DMD: variants seen among roughly 807,000 people sequenced by gnomAD.
The protein encoded by DMD is dystrophin.
A neutral mutation model predicts 330.1 loss-of-function variants in DMD; 63 were observed. That is an observed-to-expected ratio of 0.19 (90% confidence interval 0.16 to 0.24). The LOEUF (loss-of-function observed/expected upper bound fraction) is 0.24. Ranked by LOEUF, DMD falls within the 10% of genes least tolerant of loss-of-function variation. The pLI, the probability that DMD is intolerant of heterozygous loss-of-function variation, is 1.00. For synonymous variants in DMD, 1,223 were observed against 959.8 expected, an observed-to-expected ratio of 1.27 and a Z score of -5.07; for missense variants, 3,344 against 2,684.1, an observed-to-expected ratio of 1.25 and a Z score of -5.43.
At chrX:32,859,704 C>T (rs1202007482) in intron 2 of DMD, among the ~76,000 whole-genome samples, 1 of 111,116 alleles carries the variant, frequency 9.0e-6, no homozygotes, top group Non-Finnish European at 1.9e-5. Context: ...TTTTTCCTCC[C>T]TTTTCTTGTT....
chrX:31,806,904 T>G lies in DMD; in HGVS notation c.7309+13071A>C, dbSNP rs184469615. 2.0e-4 allele frequency among the ~76,000 whole-genome samples: 22 copies of G among 112,409 alleles called. No homozygotes were observed. In the East Asian group the frequency reaches 2.8e-3, roughly 14 times the overall value. On this transcript the variant is annotated intron_variant, in intron 50 of 78. Transcript: ENST00000357033. ...TTTTATTATCATCTAGTCCAGTGAC[T>G]TTTAGTATTTTTAAAGCATACAACC...
chrX:31,605,754 G>GC (rs2077580682), intron 55 of DMD, among the ~76,000 whole-genome samples: 1 of 111,436 alleles, frequency 9.0e-6, no homozygotes, highest in African/African-American at 3.3e-5. Flanking sequence ...AGAAAAGCAT[G>GC]CCATAAGCTG....
chrX:32,785,043 G>C (rs1245520686), intron 7 of DMD, among the ~76,000 whole-genome samples: 2 of 110,247 alleles, frequency 1.8e-5, no homozygotes, highest in Admixed American at 9.7e-5. Flanking sequence ...ACTTTAAAAT[G>C]CTTATGTAGC....
chrX:32,588,872 G>C (rs113597231), intron 13 of DMD, among the ~76,000 whole-genome samples: 11 of 112,149 alleles, frequency 9.8e-5, no homozygotes, highest in Non-Finnish European at 2.1e-4. Flanking sequence ...GTCATGATAA[G>C]TGCCAGTGCA....
At chrX:33,046,129 C>T (rs1421279523) in intron 1 of DMD, among the ~76,000 whole-genome samples, 1 of 111,552 alleles carries the variant, frequency 9.0e-6, no homozygotes, top group African/African-American at 3.3e-5. Flanking sequence ...AGTAATACTC[C>T]TGTGTTATTC....
intron 2 of DMD, among the ~76,000 whole-genome samples, chrX:32,865,333 G>A (rs757162369): frequency 9.9e-5 from 11 of 111,476 alleles, no homozygotes; most frequent in South Asian, 7.5e-4. Flanking sequence ...TTTTTTTGTC[G>A]TAAGTATGGT....
chrX:31,325,464 A>AAC (rs1224875609), intron 61 of DMD, among the ~76,000 whole-genome samples: 2 of 107,637 alleles, frequency 1.9e-5, no homozygotes, highest in East Asian at 5.8e-4. Flanking sequence ...AAAAAAAAAA[A>AAC]AAAGCCGGGC....
At chrX:31,755,212 G>A (rs1024645348) in intron 51 of DMD, among the ~76,000 whole-genome samples, 2 of 111,752 alleles carry the variant, frequency 1.8e-5, no homozygotes, top group Non-Finnish European at 3.8e-5. Flanking sequence ...TCACTTATGA[G>A]ATTAGTGTTA....
chrX:32,628,918 G>C (rs1398113798), intron 11 of DMD, among the ~76,000 whole-genome samples: 3 of 112,030 alleles, frequency 2.7e-5, no homozygotes, highest in Middle Eastern at 8.3e-3. Flanking sequence ...TCTAAGACTT[G>C]TTTCGTGGCA....
At chrX:32,087,855 G>T (rs1272050549) in intron 44 of DMD, among the ~76,000 whole-genome samples, 1 of 112,497 alleles carries the variant, frequency 8.9e-6, no homozygotes, top group Non-Finnish European at 1.9e-5. Context: ...CTCTTTGGAG[G>T]ATTCCACCTC....
chrX:31,350,867 A>G (rs778730779), intron 60 of DMD, among the ~76,000 whole-genome samples: 11 of 110,363 alleles, frequency 1.0e-4, no homozygotes, highest in East Asian at 5.7e-4. Context: ...GCCCTCCCCA[A>G]TGTGGGCGGG....
chrX:33,149,163 A>T (rs955956153), intron 1 of DMD, among the ~76,000 whole-genome samples: 8 of 109,143 alleles, frequency 7.3e-5, no homozygotes, highest in African/African-American at 2.7e-4. Flanking sequence ...GTAACTCACC[A>T]TATCATAGAA....
At chrX:33,080,830 A>C (rs1416284784) in intron 1 of DMD, among the ~76,000 whole-genome samples, 1 of 112,088 alleles carries the variant, frequency 8.9e-6, no homozygotes, top group East Asian at 2.8e-4. Context: ...CTTTAACAAT[A>C]ATCTTTAAAA....
chrX:32,785,784 A>T, intron 7 of DMD, among the ~76,000 whole-genome samples: 1 of 111,479 alleles, frequency 9.0e-6, no homozygotes, highest in African/African-American at 3.2e-5. Context: ...AAAAAAATAC[A>T]TTATTTATTT....
At chrX:32,547,295 T>C (rs1437584814) in intron 16 of DMD, among the ~76,000 whole-genome samples, 1 of 111,325 alleles carries the variant, frequency 9.0e-6, no homozygotes, top group East Asian at 2.8e-4. Context: ...TTTCGTGGTA[T>C]CTACTTATAA....
chrX:32,926,734 G>A (rs969980408), intron 2 of DMD, among the ~76,000 whole-genome samples: 2 of 102,571 alleles, frequency 1.9e-5, no homozygotes, highest in Admixed American at 2.1e-4. Flanking sequence ...CCTGGGAGAC[G>A]GAGCAAGACT....
chrX:32,555,850 C>G (rs996674214), intron 16 of DMD, among the ~76,000 whole-genome samples: 1 of 111,449 alleles, frequency 9.0e-6, no homozygotes, highest in African/African-American at 3.3e-5. Flanking sequence ...AATGCAAAAC[C>G]CCAAACAATA....
chrX:32,610,178 T>A (rs969212776), intron 12 of DMD, among the ~76,000 whole-genome samples: 2 of 110,978 alleles, frequency 1.8e-5, no homozygotes, highest in Admixed American at 9.6e-5. Context: ...CACAGGGGAA[T>A]GAGAGGTTCG....
chrX:31,645,311 T>C (rs2080020423), intron 54 of DMD, among the ~76,000 whole-genome samples: 1 of 111,790 alleles, frequency 8.9e-6, no homozygotes, highest in Non-Finnish European at 1.9e-5. Context: ...AAAAAAAGAT[T>C]CAATATGATT....
Sources: gnomAD v4.1 joint callset for allele counts (sites outside exome capture counted in the v4.1 genomes callset) on GRCh38, gnomAD v4.1.1 for gene constraint, MANE v1.5 for transcripts, NCBI Gene and HGNC (gene_info 2026-07-23, HGNC 2026-07-21) for gene names.